The following SATB1 variants were observed in gnomAD, a reference collection of about 807,000 sequenced individuals.
SATB1 encodes SATB homeobox 1, also known as DNA-binding protein SATB1.
Under a neutral mutation model 86.9 loss-of-function variants are expected in SATB1, and 11 were observed. The observed-to-expected ratio is 0.13, with a 90% confidence interval of 0.08 to 0.21. The LOEUF (loss-of-function observed/expected upper bound fraction) is 0.21, where lower values mean the gene tolerates loss of function less well. SATB1 is among the 10% of genes least tolerant of loss of function. SATB1 has a pLI of 1.00. For missense variants in SATB1, 551 were observed against 937.6 expected (o/e 0.59, Z 5.39); for synonymous variants, 357 against 357.2 (o/e 1.00, Z 0.01).
At position 18,347,202 on chromosome 3, in the gene SATB1, T is replaced by C. The variant is rs760423726; in HGVS notation, c.*1968A>G. Reference sequence around the variant, plus strand: ...TGGTAGGCAGAAAGAGAAGGGGCAATTGCAAAATGGTATCTCAAGCAACCC... The same window carrying C: ...TGGTAGGCAGAAAGAGAAGGGGCAACTGCAAAATGGTATCTCAAGCAACCC... On this transcript the variant is annotated 3_prime_UTR_variant, in exon 11 of 11. Coordinates refer to ENST00000338745, the MANE Select transcript of SATB1 (RefSeq NM_002971.6). 5 of 152,164 alleles carry C rather than the reference T, an allele frequency of 3.3e-5. No individual in the cohort carries two copies. The highest frequency in any genetic ancestry group is 4.8e-5 in the African/African-American group (2 of 41,502). The allele number at this position is 152,164 out of a possible 1,614,324, so 9.4% of individuals were successfully genotyped here. A position where few individuals can be genotyped will look rare whatever the true frequency, so the allele number is the denominator to read the frequency against.
At chr3:18,397,937 CT>C (rs1697049054) in intron 5 of SATB1, among the ~76,000 whole-genome samples, 1 of 152,186 alleles carries the variant, frequency 6.6e-6, no homozygotes, top group South Asian at 2.1e-4. Context: ...AAGAAACAAA[CT>C]ATTCACAGAG....
At chr3:18,415,963 AG>A in intron 4 of SATB1, 43 bp downstream of exon 4, 1 of 1,508,464 alleles carries the variant, frequency 6.6e-7, no homozygotes, top group Non-Finnish European at 8.9e-7. Context: ...TCAAAAGACC[AG>A]GTAAGAAGAA....
At chr3:18,385,184 T>C (rs1055133738) in intron 8 of SATB1, among the ~76,000 whole-genome samples, 1 of 152,178 alleles carries the variant, frequency 6.6e-6, no homozygotes, top group Non-Finnish European at 1.5e-5. Flanking sequence ...CTACCATTGA[T>C]GAGAATGAAG....
chr3:18,381,929 A>C, intron 8 of SATB1, among the ~76,000 whole-genome samples: 1 of 152,190 alleles, frequency 6.6e-6, no homozygotes, highest in Non-Finnish European at 1.5e-5. Context: ...ATTATTTTCC[A>C]AATCTAGCCT....
chr3:18,374,154 C>T (rs748652167), intron 9 of SATB1, among the ~76,000 whole-genome samples: 1 of 152,122 alleles, frequency 6.6e-6, no homozygotes, highest in Non-Finnish European at 1.5e-5. Context: ...AAGGCAAGGC[C>T]TACAGTGCTG....
chr3:18,361,782 T>C (rs1012805110), intron 9 of SATB1, among the ~76,000 whole-genome samples: 39 of 152,158 alleles, frequency 2.6e-4, no homozygotes, highest in African/African-American at 9.2e-4. Context: ...AAGTTGAATA[T>C]AGCCTAAATA....
intron 1 of SATB1, chr3:18,445,271 G>A (rs1362028109): frequency 2.0e-6 from 2 of 983,902 alleles, no homozygotes; most frequent in South Asian, 4.5e-5. Flanking sequence ...ACTGAAGCCC[G>A]AGCCGAGCCG....
chr3:18,420,936 T>C lies in SATB1; in HGVS notation c.32A>G (p.Lys11Arg). Reference protein sequence around the residue: MDHLNEATQGKEHSEMSNNVS... With the variant: MDHLNEATQGREHSEMSNNVS... ...ATTGTTAGACATTTCTGAATGTTCT[T>C]TCCCCTGAGTTGCCTCGTTCAAATG... Residue 11 changes from lysine to arginine, a missense_variant, in exon 2 of 11, where the codon AAA becomes AGA. Around this residue, in one of 8 missense-constraint regions of SATB1, gnomAD observed 153 missense variants for 258.1 expected, o/e 0.59. Coordinates refer to ENST00000338745, the MANE Select transcript of SATB1 (RefSeq NM_002971.6). 6.2e-7 allele frequency: 1 copy of C among 1,614,214 alleles called. No individual in the cohort carries two copies. The highest frequency in any genetic ancestry group is 8.5e-7 in the Non-Finnish European group (1 of 1,180,040).
intron 9 of SATB1, among the ~76,000 whole-genome samples, chr3:18,376,226 T>C (rs9713593): frequency 1.4e-5 from 2 of 145,648 alleles, no homozygotes; most frequent in Admixed American, 7.0e-5. Flanking sequence ...AAGTCAAAGA[T>C]AGCAAAGGAA....
intron 2 of SATB1, among the ~76,000 whole-genome samples, chr3:18,436,447 AC>A (rs1228328396): frequency 4.0e-5 from 6 of 151,084 alleles, no homozygotes; most frequent in Non-Finnish European, 8.8e-5. Context: ...CTGAGCAGGC[AC>A]ACTTAACCTA....
intron 2 of SATB1, among the ~76,000 whole-genome samples, chr3:18,418,262 C>T (rs143056159): frequency 1.5e-3 from 232 of 152,202 alleles, no homozygotes; most frequent in African/African-American, 5.2e-3. Flanking sequence ...GCACACCAAC[C>T]GTAGCTAAAA....
chr3:18,434,519 C>T (rs907620115), intron 2 of SATB1, among the ~76,000 whole-genome samples: 30 of 151,942 alleles, frequency 2.0e-4, no homozygotes, highest in Admixed American at 1.6e-3. Context: ...GCCTTTAAAA[C>T]TCAGAGGTAG....
At chr3:18,442,985 G>T (rs1418803780), upstream of SATB1, among the ~76,000 whole-genome samples, 2 of 152,088 alleles carry the variant, frequency 1.3e-5, no homozygotes, top group African/African-American at 4.8e-5. Flanking sequence ...GAGATGAGAG[G>T]TTTTTAGAGC....
At chr3:18,388,428 AT>A (rs1696455748) in intron 7 of SATB1, among the ~76,000 whole-genome samples, 1 of 152,192 alleles carries the variant, frequency 6.6e-6, no homozygotes, top group Non-Finnish European at 1.5e-5. Context: ...AAAGCAATAT[AT>A]TCTCAACTAC....
chr3:18,376,407 T>C lies in SATB1; in HGVS notation c.1575+1763A>G, dbSNP rs141480766. On this transcript the variant is annotated intron_variant, in intron 9 of 10. Transcript: ENST00000338745. ...ATGTCCAGTTTCTCCATTTTGGAGA[T>C]TTAGGGAAACAGGCTTTTGTAGGAA... Among the ~76,000 whole-genome samples, 527 of 152,058 alleles carry C rather than the reference T, an allele frequency of 3.5e-3. 5 individuals carry two copies. The highest frequency in any genetic ancestry group is 3.4e-3 in the Non-Finnish European group (234 of 67,968).
At chr3:18,374,073 T>C (rs890223638) in intron 9 of SATB1, among the ~76,000 whole-genome samples, 1 of 152,174 alleles carries the variant, frequency 6.6e-6, no homozygotes, top group African/African-American at 2.4e-5. Context: ...CCCTTTACTG[T>C]CTTACTGCAC....
At chr3:18,361,326 T>C (rs1219502126) in intron 9 of SATB1, among the ~76,000 whole-genome samples, 1 of 152,122 alleles carries the variant, frequency 6.6e-6, no homozygotes, top group Non-Finnish European at 1.5e-5. Context: ...GTTCACAGGG[T>C]TGTGAGAATT....
At chr3:18,362,623 T>C (rs1252986850) in intron 9 of SATB1, among the ~76,000 whole-genome samples, 1 of 151,996 alleles carries the variant, frequency 6.6e-6, no homozygotes, top group Non-Finnish European at 1.5e-5. Flanking sequence ...TAAAAAACTC[T>C]GTCAAAGGCA....
At chr3:18,415,891 T>G in intron 4 of SATB1, 116 bp downstream of exon 4, 1 of 985,718 alleles carries the variant, frequency 1.0e-6, no homozygotes, top group Non-Finnish European at 1.5e-6. Context: ...CGATCTGTAT[T>G]AACCTTTCTG....
Sources: gnomAD v4.1 joint callset for allele counts (sites outside exome capture counted in the v4.1 genomes callset) on GRCh38, gnomAD v4.1.1 for gene constraint, gnomAD v4.1.1 regional missense constraint, MANE v1.5 for transcripts, NCBI Gene and HGNC (gene_info 2026-07-23, HGNC 2026-07-21) for gene names.